PLAAT4: variants seen among roughly 807,000 people sequenced by gnomAD.
PLAAT4 encodes HRAS-like suppressor 4.
Under a neutral mutation model 14.1 loss-of-function variants are expected in PLAAT4, and 12 were observed. The observed-to-expected ratio is 0.85, with a 90% CI of 0.54 to 1.37. PLAAT4 has a LOEUF of 1.37. Ranked by LOEUF, PLAAT4 falls within the 40% of genes most tolerant of loss-of-function variation. The pLI, the probability that PLAAT4 is intolerant of heterozygous loss-of-function variation, is 0.00. For synonymous variants in PLAAT4, 77 were observed against 79.8 expected, an observed-to-expected ratio of 0.96 and a Z score of 0.19; for missense variants, 163 against 211.7, an observed-to-expected ratio of 0.77 and a Z score of 1.43.
rs2017367686 is a variant in PLAAT4 at position 63,546,419 on chromosome 11, A to G, written c.*163A>G. Reference sequence around the variant, plus strand: ...CTGGCAAAAGTATGATCTAATTGAAACAAGACTGAAGGATCAATAAACAGC... The same window carrying G: ...CTGGCAAAAGTATGATCTAATTGAAGCAAGACTGAAGGATCAATAAACAGC... On this transcript the variant is annotated 3_prime_UTR_variant, in exon 4 of 4. Transcript: ENST00000255688. 3.2e-6 allele frequency: 2 copies of G among 633,260 alleles called. No homozygotes were observed. The highest frequency in any genetic ancestry group is 3.9e-5 in the South Asian group (2 of 51,940). The allele number at this position is 633,260 out of a possible 1,614,324, so 39.2% of individuals were successfully genotyped here.
At chr11:63,543,949 A>G (rs1048498952) in intron 2 of PLAAT4, among the ~76,000 whole-genome samples, 1 of 152,192 alleles carries the variant, frequency 6.6e-6, no homozygotes, top group African/African-American at 2.4e-5. Context: ...TAGCACAGAA[A>G]AGTCTCATGA....
chr11:63,542,942 A>G (rs2017333285), intron 2 of PLAAT4, among the ~76,000 whole-genome samples: 1 of 152,214 alleles, frequency 6.6e-6, no homozygotes, highest in Non-Finnish European at 1.5e-5. Context: ...GGGAAACCTG[A>G]TAATGAATTT....
At chr11:63,540,757 C>T (rs562919517) in intron 2 of PLAAT4, among the ~76,000 whole-genome samples, 2 of 152,062 alleles carry the variant, frequency 1.3e-5, no homozygotes, top group African/African-American at 2.4e-5. Context: ...ACCTGGGAGA[C>T]GGAGGTTGCA....
At chr11:63,537,492 G>A (rs969300470) in intron 1 of PLAAT4, among the ~76,000 whole-genome samples, 15 of 152,102 alleles carry the variant, frequency 9.9e-5, no homozygotes, top group Non-Finnish European at 2.9e-5. Context: ...AAACCATTCC[G>A]GGAAGGAGTC....
At chr11:63,540,058 G>A (rs2017309341) in intron 2 of PLAAT4, among the ~76,000 whole-genome samples, 4 of 152,276 alleles carry the variant, frequency 2.6e-5, no homozygotes, top group Admixed American at 2.6e-4. Context: ...GATGCTTGAT[G>A]AGATTGCACA....
At chr11:63,540,983 C>A (rs1203849225) in intron 2 of PLAAT4, among the ~76,000 whole-genome samples, 3 of 152,194 alleles carry the variant, frequency 2.0e-5, no homozygotes, top group Admixed American at 2.0e-4. Flanking sequence ...GGACAAAAAC[C>A]ATTCCCATCA....
intron 1 of PLAAT4, among the ~76,000 whole-genome samples, chr11:63,537,122 A>G (rs1012322608): frequency 1.3e-5 from 2 of 152,166 alleles, no homozygotes; most frequent in Non-Finnish European, 2.9e-5. Flanking sequence ...ACTCCCATGT[A>G]GTAGAGAGCT....
intron 1 of PLAAT4, among the ~76,000 whole-genome samples, chr11:63,538,189 A>G (rs984035560): frequency 2.0e-4 from 30 of 152,076 alleles, no homozygotes; most frequent in African/African-American, 6.3e-4. Context: ...TGCAGAGCCC[A>G]GGGAGGGAGA....
chr11:63,544,524 G>C (rs756516332), intron 2 of PLAAT4, 97 bp from the exon 3 acceptor site: 66 of 1,369,620 alleles, frequency 4.8e-5, no homozygotes, highest in African/African-American at 1.5e-5. Flanking sequence ...AATCACATTT[G>C]TGAAAGGATA....
intron 1 of PLAAT4, among the ~76,000 whole-genome samples, chr11:63,538,068 G>C (rs181783300): frequency 2.6e-5 from 4 of 152,196 alleles, no homozygotes; most frequent in Non-Finnish European, 5.9e-5. Context: ...GGAAGAGGAA[G>C]AGTGGCTGCA....
intron 2 of PLAAT4, among the ~76,000 whole-genome samples, chr11:63,542,750 T>C (rs1444132551): frequency 6.6e-6 from 1 of 152,166 alleles, no homozygotes; most frequent in Non-Finnish European, 1.5e-5. Flanking sequence ...ACTTTACAAT[T>C]GCACTAGGTT....
chr11:63,546,363 T>C lies in PLAAT4; in HGVS notation c.*107T>C. The C allele has an allele frequency of 1.1e-6, 1 of 928,494 alleles. No individual in the cohort carries two copies. Among genetic ancestry groups the C allele is most frequent in the South Asian group, 1.4e-5 (1 of 69,796 alleles). 57.5% of individuals were successfully genotyped at this position (928,494 alleles called of 1,614,324 possible). On this transcript the variant is annotated 3_prime_UTR_variant, in exon 4 of 4. Transcript: ENST00000255688. Reference sequence around the variant, plus strand: ...CCCTCGTGCCCTGTCTCAGGCGTTCTCTAGATCCTTTCCTCTGTTTCCCTC... The same window carrying C: ...CCCTCGTGCCCTGTCTCAGGCGTTCCCTAGATCCTTTCCTCTGTTTCCCTC...
At chr11:63,544,239 G>A (rs773190778) in intron 2 of PLAAT4, among the ~76,000 whole-genome samples, 88 of 152,270 alleles carry the variant, frequency 5.8e-4, no homozygotes, top group Non-Finnish European at 1.2e-3. Flanking sequence ...TGCATAGCAT[G>A]GAATATGGCA....
chr11:63,546,414 T>C lies in PLAAT4; in HGVS notation c.*158T>C. 1 of 650,870 alleles carries C rather than the reference T, an allele frequency of 1.5e-6. No individual in the cohort carries two copies. Among genetic ancestry groups the C allele is most frequent in the South Asian group, 1.9e-5 (1 of 53,320 alleles). 40.3% of individuals were successfully genotyped at this position (650,870 alleles called of 1,614,324 possible). A position where few individuals can be genotyped will look rare whatever the true frequency, so the allele number is the denominator to read the frequency against. On this transcript the variant is annotated 3_prime_UTR_variant, in exon 4 of 4. Coordinates refer to ENST00000255688, the MANE Select transcript of PLAAT4 (RefSeq NM_004585.5). ...TCTCGCTGGCAAAAGTATGATCTAA[T>C]TGAAACAAGACTGAAGGATCAATAA...
intron 2 of PLAAT4, among the ~76,000 whole-genome samples, chr11:63,541,997 AG>A (rs879676447): frequency 2.6e-5 from 4 of 152,216 alleles, no homozygotes; most frequent in African/African-American, 4.8e-5. Context: ...TATAAATTAC[AG>A]TAGTGTCTGT....
chr11:63,539,221 C>T (rs1017649662), intron 1 of PLAAT4, among the ~76,000 whole-genome samples: 6 of 152,158 alleles, frequency 3.9e-5, no homozygotes, highest in Admixed American at 6.5e-5. Context: ...GTACAATGCA[C>T]ACATGCACAC....
At chr11:63,536,925 G>C in intron 1 of PLAAT4, 48 bp downstream of exon 1, 2 of 1,597,494 alleles carry the variant, frequency 1.3e-6, no homozygotes, top group Non-Finnish European at 1.7e-6. Context: ...CAGTTGGGCA[G>C]CTCCCCCTAG....
intron 2 of PLAAT4, among the ~76,000 whole-genome samples, 189 bp from the exon 3 acceptor site, chr11:63,544,432 A>G (rs1422120687): frequency 6.6e-6 from 1 of 152,106 alleles, no homozygotes; most frequent in Non-Finnish European, 1.5e-5. Flanking sequence ...GTGAGCTGAG[A>G]TCGCGTCACT....
At chr11:63,543,692 T>C (rs2017339625) in intron 2 of PLAAT4, among the ~76,000 whole-genome samples, 1 of 152,256 alleles carries the variant, frequency 6.6e-6, no homozygotes, top group African/African-American at 2.4e-5. Context: ...CTAATTATTG[T>C]GTGCATTAGG....
Sources: gnomAD v4.1 joint callset for allele counts (sites outside exome capture counted in the v4.1 genomes callset) on GRCh38, gnomAD v4.1.1 for gene constraint, MANE v1.5 for transcripts, NCBI Gene and HGNC (gene_info 2026-07-23, HGNC 2026-07-21) for gene names.